Variants in AMPH observed in about 807,000 individuals in gnomAD.
AMPH encodes amphiphysin (Stiff-Mann syndrome with breast cancer 128kD autoantigen).
In AMPH, 49 loss-of-function variants were observed where a neutral mutation model predicts 99.1. That is an observed-to-expected ratio of 0.49 (90% CI 0.39 to 0.63). The LOEUF is 0.63. Among genes scored for constraint, AMPH ranks in the 20% least tolerant of loss-of-function variants. AMPH has a pLI of 0.00. For missense variants in AMPH, 759 were observed against 863.4 expected (o/e 0.88, Z 1.52); for synonymous variants, 314 against 317.3 (o/e 0.99, Z 0.11).
At chr7:38,445,685 T>A (rs76957940) in intron 11 of AMPH, among the ~76,000 whole-genome samples, 1 of 152,122 alleles carries the variant, frequency 6.6e-6, no homozygotes, top group African/African-American at 2.4e-5. Flanking sequence ...AAATGCAAAT[T>A]AAATCAAAAT....
intron 11 of AMPH, among the ~76,000 whole-genome samples, chr7:38,450,634 G>C: frequency 6.6e-6 from 1 of 152,186 alleles, no homozygotes; most frequent in Non-Finnish European, 1.5e-5. Flanking sequence ...GCATGAAGAT[G>C]GGGCCTGTTT....
intron 1 of AMPH, among the ~76,000 whole-genome samples, chr7:38,629,219 A>C (rs1794369380): frequency 1.3e-5 from 2 of 152,162 alleles, no homozygotes; most frequent in South Asian, 4.1e-4. Context: ...CCTGGATGCC[A>C]ACATGCCCTT....
At chr7:38,537,193 A>G (rs1198705075) in intron 1 of AMPH, among the ~76,000 whole-genome samples, 1 of 152,210 alleles carries the variant, frequency 6.6e-6, no homozygotes, top group Non-Finnish European at 1.5e-5. Context: ...AAAAATATTG[A>G]TAAGCAAATT....
At chr7:38,501,008 T>C (rs998689842) in intron 3 of AMPH, among the ~76,000 whole-genome samples, 2 of 152,318 alleles carry the variant, frequency 1.3e-5, no homozygotes, top group Non-Finnish European at 2.9e-5. Context: ...TTCCATTGTA[T>C]AGATGAACTC....
At chr7:38,461,252 T>G in intron 11 of AMPH, 31 bp downstream of exon 11, 1 of 1,611,788 alleles carries the variant, frequency 6.2e-7, no homozygotes, top group Non-Finnish European at 8.5e-7. Context: ...GGGACTTTCA[T>G]GGACATACCA....
At chr7:38,521,674 ATAT>A in intron 2 of AMPH, among the ~76,000 whole-genome samples, 1 of 152,272 alleles carries the variant, frequency 6.6e-6, no homozygotes, top group South Asian at 2.1e-4. Context: ...AGGAAAGGAA[ATAT>A]TATCATCCAC....
intron 13 of AMPH, 101 bp from the exon 14 acceptor site, chr7:38,429,966 T>C (rs1190959230): frequency 3.6e-6 from 4 of 1,106,548 alleles, no homozygotes; most frequent in African/African-American, 3.2e-5. Flanking sequence ...CTGAAGGCTA[T>C]AGCTTTTACT....
At chr7:38,492,389 C>T (rs773858465) in intron 4 of AMPH, among the ~76,000 whole-genome samples, 2 of 152,196 alleles carry the variant, frequency 1.3e-5, no homozygotes, top group Non-Finnish European at 2.9e-5. Context: ...CAAACTTGGG[C>T]CCCTCATACT....
chr7:38,517,927 G>T (rs1197037231), intron 2 of AMPH, among the ~76,000 whole-genome samples: 1 of 152,194 alleles, frequency 6.6e-6, no homozygotes, highest in East Asian at 1.9e-4. Flanking sequence ...TTTCTAGGCT[G>T]CCCCTCTCAT....
intron 2 of AMPH, among the ~76,000 whole-genome samples, chr7:38,519,457 A>C (rs1789872930): frequency 7.5e-6 from 1 of 133,868 alleles, no homozygotes; most frequent in Admixed American, 7.1e-5. Context: ...TCTGGTAAAA[A>C]TATTATCCCA....
intron 1 of AMPH, among the ~76,000 whole-genome samples, chr7:38,587,949 T>TGTGTGTGTGC (rs931620644): frequency 1.2e-4 from 18 of 146,196 alleles, no homozygotes; most frequent in Admixed American, 4.8e-4. Context: ...TGTGTGTGTG[T>TGTGTGTGTGC]GCGCGTGTGT....
At chr7:38,428,403 T>A (rs1256314102) in intron 14 of AMPH, 1 of 456,694 alleles carries the variant, frequency 2.2e-6, no homozygotes, top group Non-Finnish European at 4.4e-6. Context: ...TCTGTTTGCA[T>A]CTCTTCCCAG....
chr7:38,421,309 A>G (rs1199877927), intron 16 of AMPH, among the ~76,000 whole-genome samples: 1 of 152,240 alleles, frequency 6.6e-6, no homozygotes, highest in African/African-American at 2.4e-5. Flanking sequence ...CATTTCTCAT[A>G]AACCATTCAT....
chr7:38,533,566 A>G (rs748398518), intron 2 of AMPH, among the ~76,000 whole-genome samples: 10 of 152,164 alleles, frequency 6.6e-5, no homozygotes, highest in Non-Finnish European at 1.5e-4. Flanking sequence ...GGTGAGAGAA[A>G]GAGCAGGAAC....
intron 1 of AMPH, among the ~76,000 whole-genome samples, chr7:38,596,217 G>A (rs899426583): frequency 3.9e-5 from 6 of 152,164 alleles, no homozygotes; most frequent in African/African-American, 9.7e-5. Flanking sequence ...GAAAGTGGCC[G>A]GGAAACAGGA....
At chr7:38,628,217 A>G (rs1039707364) in intron 1 of AMPH, among the ~76,000 whole-genome samples, 14 of 152,248 alleles carry the variant, frequency 9.2e-5, no homozygotes, top group African/African-American at 3.1e-4. Context: ...CAAACAAATG[A>G]AATTAATCAT....
At chr7:38,571,338 A>G (rs1406700432) in intron 1 of AMPH, among the ~76,000 whole-genome samples, 2 of 60,482 alleles carry the variant, frequency 3.3e-5, no homozygotes, top group Admixed American at 2.5e-4. Context: ...ATATTTATAT[A>G]TAGAATATAT....
intron 1 of AMPH, among the ~76,000 whole-genome samples, chr7:38,553,318 T>G (rs1791243509): frequency 6.6e-6 from 1 of 152,196 alleles, no homozygotes; most frequent in Non-Finnish European, 1.5e-5. Flanking sequence ...GAACCATCTG[T>G]GCTGAACTCT....
In AMPH at chr7:38,613,251, T is replaced by C. The variant is rs115768789; in HGVS notation, c.69+18032A>G. On this transcript the variant is annotated intron_variant, in intron 1 of 20. Coordinates refer to ENST00000356264, the MANE Select transcript of AMPH (RefSeq NM_001635.4). ...TCTGTAATTCTAGCATTTCAGCTTA[T>C]ATTTTACCAAAGTCACCCTTTCTAA... Among the ~76,000 whole-genome samples, 1,225 of 152,302 alleles carry C rather than the reference T, an allele frequency of 8.0e-3. 16 individuals are homozygous for C. Among genetic ancestry groups the C allele is most frequent in the African/African-American group, 0.028 (1,159 of 41,558 alleles).
Sources: allele counts gnomAD v4.1 joint callset (sites outside exome capture counted in the v4.1 genomes callset), GRCh38; gene constraint gnomAD v4.1.1; transcripts MANE v1.5; gene names NCBI Gene and HGNC (gene_info 2026-07-23, HGNC 2026-07-21).